RHOBTB2: variants seen among roughly 807,000 people sequenced by gnomAD.
RHOBTB2 encodes the protein Rho related BTB domain containing 2.
A neutral mutation model predicts 66.5 loss-of-function variants in RHOBTB2; 39 were observed. The observed-to-expected ratio is 0.59, with a 90% CI of 0.45 to 0.77. The LOEUF (loss-of-function observed/expected upper bound fraction) is 0.77, where lower values mean the gene tolerates loss of function less well. Among genes scored for constraint, RHOBTB2 ranks in the 30% least tolerant of loss-of-function variants. The pLI, the probability that RHOBTB2 is intolerant of heterozygous loss-of-function variation, is 0.00. For synonymous variants in RHOBTB2, 390 were observed against 395.0 expected (o/e 0.99, Z 0.15); for missense variants, 755 against 999.1 (o/e 0.76, Z 3.29).
At chr8:22,983,349 A>C (rs183052515), upstream of RHOBTB2, among the ~76,000 whole-genome samples, 8 of 151,824 alleles carry the variant, frequency 5.3e-5, no homozygotes, top group East Asian at 1.4e-3. Context: ...AAAAAAAAAA[A>C]ACAAAAAAGA....
At chr8:23,011,588 G>A (rs1304579962) in intron 7 of RHOBTB2, among the ~76,000 whole-genome samples, 1 of 152,140 alleles carries the variant, frequency 6.6e-6, no homozygotes, top group African/African-American at 2.4e-5. Flanking sequence ...ACTGAGTCAT[G>A]GGGGAGAGCC....
chr8:22,980,336 G>T, the RHOBTB2 span, among the ~76,000 whole-genome samples: 1 of 152,042 alleles, frequency 6.6e-6, no homozygotes. Context: ...AATTTGATAG[G>T]TTAAAAATTA....
intron 8 of RHOBTB2, 46 bp downstream of exon 8, chr8:23,014,824 T>G (rs759233308): frequency 6.7e-7 from 1 of 1,490,726 alleles, no homozygotes; most frequent in Non-Finnish European, 9.3e-7. Context: ...AGTTCTACAC[T>G]CTGCCTGCCC....
the RHOBTB2 span, among the ~76,000 whole-genome samples, chr8:22,964,056 C>T: frequency 2.6e-5 from 4 of 152,154 alleles, no homozygotes; most frequent in Admixed American, 2.6e-4. Context: ...GCTGGGATTA[C>T]AAGCGTGAGT....
At chr8:23,015,320 G>A (rs977256353) in intron 8 of RHOBTB2, among the ~76,000 whole-genome samples, 7 of 152,162 alleles carry the variant, frequency 4.6e-5, no homozygotes, top group Admixed American at 4.6e-4. Flanking sequence ...GGAGAGAGAA[G>A]TCAGGTAGGT....
chr8:22,979,695 T>C, the RHOBTB2 span, among the ~76,000 whole-genome samples: 1 of 151,010 alleles, frequency 6.6e-6, no homozygotes, highest in Admixed American at 6.6e-5. Context: ...TGGGAATTCT[T>C]TTTTTTTCTT....
chr8:22,975,636 G>A, the RHOBTB2 span, among the ~76,000 whole-genome samples: 5 of 152,190 alleles, frequency 3.3e-5, no homozygotes, highest in Non-Finnish European at 5.9e-5. Flanking sequence ...GAAACTTCTA[G>A]GTACACAGCC....
At chr8:23,014,669 T>G (rs746989020) in intron 7 of RHOBTB2, 21 bp from the exon 8 acceptor site, 13 of 1,609,170 alleles carry the variant, frequency 8.1e-6, no homozygotes, top group Non-Finnish European at 9.4e-6. Flanking sequence ...TTCAGCTGAT[T>G]GGTGGCCGTG....
Position 22,999,889 on chromosome 8 carries a change from C to A in RHOBTB2, c.-227C>A. The A allele has an allele frequency of 2.0e-6, 2 of 985,200 alleles. No homozygotes were observed. The highest frequency in any genetic ancestry group is 2.4e-6 in the Non-Finnish European group (2 of 829,872). The allele number at this position is 985,200 out of a possible 1,614,324, so 61.0% of individuals were successfully genotyped here. On this transcript the variant is annotated 5_prime_UTR_variant, in exon 1 of 10. Coordinates refer to ENST00000251822, the MANE Select transcript of RHOBTB2 (RefSeq NM_015178.3). ...AGCGGCTGCAGTGCAGCGCGCGCGT[C>A]CGCTCCTGGGCCCACGTCCGGCCTG...
At chr8:22,965,610 C>G in the RHOBTB2 span, among the ~76,000 whole-genome samples, 33 of 152,116 alleles carry the variant, frequency 2.2e-4, 1 homozygote, top group Admixed American at 2.2e-3. Context: ...AGAGAAGAAG[C>G]CCAGAAATAA....
At chr8:23,005,726 G>T (rs1810927841) in intron 3 of RHOBTB2, among the ~76,000 whole-genome samples, 1 of 152,134 alleles carries the variant, frequency 6.6e-6, no homozygotes, top group South Asian at 2.1e-4. Context: ...GCTGTGAAGT[G>T]GTGAAAACAG....
In RHOBTB2 at chr8:23,020,181, A is replaced by ATAAG. The variant is rs1811464883; in HGVS notation, c.*2715_*2718dup. 1 of 428,172 alleles carries ATAAG rather than the reference A, an allele frequency of 2.3e-6. No homozygotes were observed. The highest frequency in any genetic ancestry group is 2.0e-5 in the African/African-American group (1 of 48,794). The allele number at this position is 428,172 out of a possible 1,614,324, so 26.5% of individuals were successfully genotyped here. A position where few individuals can be genotyped will look rare whatever the true frequency, so the allele number is the denominator to read the frequency against. ...AATTTGGTCATGGATTCATAAATAC[A>ATAAG]TAAGTATTTTGTACACAATGTGCTT... On this transcript the variant is annotated 3_prime_UTR_variant, in exon 10 of 10. Transcript: ENST00000251822.
At chr8:23,000,645 T>C (rs1810746960) in intron 1 of RHOBTB2, among the ~76,000 whole-genome samples, 1 of 152,178 alleles carries the variant, frequency 6.6e-6, no homozygotes, top group Middle Eastern at 3.2e-3. Context: ...AATCTGACCA[T>C]TCAGGGTCCC....
At chr8:23,016,290 C>A (rs901538495) in intron 9 of RHOBTB2, among the ~76,000 whole-genome samples, 1 of 152,052 alleles carries the variant, frequency 6.6e-6, no homozygotes, top group African/African-American at 2.4e-5. Context: ...CCATGGGGTC[C>A]TCTCTGGGCT....
chr8:23,007,823 G>C, intron 5 of RHOBTB2, 77 bp downstream of exon 5: 2 of 1,540,078 alleles, frequency 1.3e-6, no homozygotes, highest in Non-Finnish European at 1.8e-6. Context: ...AGCTCCTGGT[G>C]TCCTGGAGCT....
chr8:22,955,912 G>C, the RHOBTB2 span, among the ~76,000 whole-genome samples: 1 of 152,088 alleles, frequency 6.6e-6, no homozygotes, highest in Non-Finnish European at 1.5e-5. Flanking sequence ...GGGTATAGAG[G>C]ATATGGAAGG....
At chr8:22,997,277 C>T (rs1810598513), upstream of RHOBTB2, among the ~76,000 whole-genome samples, 1 of 151,814 alleles carries the variant, frequency 6.6e-6, no homozygotes, top group South Asian at 2.1e-4. Context: ...TAAGAGGGAA[C>T]TGATTGGGGC....
rs2466183 is a variant in RHOBTB2, at chr8:23,014,544, G to T, written c.1772-146G>T. The T allele has an allele frequency of 0.8, 521,769 of 649,806 alleles. 213,434 individuals carry two copies. The highest frequency in any genetic ancestry group is 0.84 in the Non-Finnish European group (312,286 of 369,628). The allele number at this position is 649,806 out of a possible 1,614,324, so 40.3% of individuals were successfully genotyped here. On this transcript the variant is annotated intron_variant, in intron 7 of 9. Transcript: ENST00000251822. ...TGGGGTCCCCCTGGTGGCAGCAGACGTCATAGCCTGGGGCCTTTCCTGGCC... is the reference window on the plus strand; with the variant it reads ...TGGGGTCCCCCTGGTGGCAGCAGACTTCATAGCCTGGGGCCTTTCCTGGCC...
At chr8:22,974,835 A>G in the RHOBTB2 span, among the ~76,000 whole-genome samples, 2 of 152,140 alleles carry the variant, frequency 1.3e-5, no homozygotes, top group South Asian at 2.1e-4. Context: ...ACTGTGCACA[A>G]TCAGGTACTA....
Sources: allele counts gnomAD v4.1 joint callset (sites outside exome capture counted in the v4.1 genomes callset), GRCh38; gene constraint gnomAD v4.1.1; transcripts MANE v1.5; gene names NCBI Gene and HGNC (gene_info 2026-07-23, HGNC 2026-07-21).